Variants in SCRG1 observed in about 807,000 individuals in gnomAD.
SCRG1 encodes stimulator of chondrogenesis 1, also known as scrapie-responsive protein 1.
Under a neutral mutation model 7.7 loss-of-function variants are expected in SCRG1, and 3 were observed. The ratio of observed to expected loss-of-function variants is 0.39; its 90% CI spans 0.18 to 1.01. SCRG1 has a LOEUF of 1.01. SCRG1 is among the 50% of genes least tolerant of loss of function. The probability of loss-of-function intolerance (pLI) is 0.36; values close to 1 mark genes in which losing one functional copy is unlikely to be tolerated. For synonymous variants in SCRG1, 46 were observed against 41.2 expected, an observed-to-expected ratio of 1.12 and a Z score of -0.44; for missense variants, 110 against 117.2, an observed-to-expected ratio of 0.94 and a Z score of 0.28.
the SCRG1 span, among the ~76,000 whole-genome samples, chr4:173,416,064 GTC>G: frequency 6.6e-6 from 1 of 152,220 alleles, no homozygotes; most frequent in South Asian, 2.1e-4. Flanking sequence ...GGGCCGTGCA[GTC>G]TCCTCTCCCG....
Position 173,391,578 on chromosome 4 carries a change from G to GT in SCRG1, c.-14-151dup, listed in dbSNP as rs571925954. 154 of 773,576 alleles carry GT rather than the reference G, an allele frequency of 2.0e-4. 2 individuals are homozygous for GT. In the African/African-American group the frequency reaches 2.1e-3, roughly 10 times the overall value. 47.9% of individuals were successfully genotyped at this position (773,576 alleles called of 1,614,324 possible). A position where few individuals can be genotyped will look rare whatever the true frequency, so the allele number is the denominator to read the frequency against. ...CAATCCTGTTTGTGTTTCTCAAAGT[G>GT]TAGTTTTATGACCATCTATGATAAA... On this transcript the variant is annotated intron_variant, in intron 1 of 2. Transcript: ENST00000296506.
At position 173,391,185 on chromosome 4, in the gene SCRG1, A is replaced by G. The variant is rs1157697626; in HGVS notation, c.230T>C (p.Leu77Pro). 1.9e-6 allele frequency: 3 copies of G among 1,614,010 alleles called. No homozygotes were observed. Among genetic ancestry groups the G allele is most frequent in the Non-Finnish European group, 2.5e-6 (3 of 1,180,032 alleles). ...ACCATTTCCTTACTTTGGGCAGCAG[A>G]GCAATTCGCTGAAGTTGCAGTAACA... ...MICYCNFSEL[L>P]CCPKDVFFGP... The change falls in exon 2 of 3, where the codon CTC becomes CCC. Residue 77 changes from leucine (L) to proline (P), a missense_variant. Physicochemically the swap from Leu to Pro is moderately conservative, Grantham distance 98. Coordinates refer to ENST00000296506, the MANE Select transcript of SCRG1 (RefSeq NM_007281.4).
At chr4:173,438,326 T>C in the SCRG1 span, among the ~76,000 whole-genome samples, 1 of 151,914 alleles carries the variant, frequency 6.6e-6, no homozygotes, top group African/African-American at 2.4e-5. Flanking sequence ...TTTCTCCATG[T>C]TGCTCAGGCT....
At chr4:173,456,848 C>T in the SCRG1 span, among the ~76,000 whole-genome samples, 31 of 152,136 alleles carry the variant, frequency 2.0e-4, no homozygotes, top group Non-Finnish European at 1.3e-4. Flanking sequence ...AAGATAACTT[C>T]CCTTCTTTCT....
chr4:173,462,594 G>A, the SCRG1 span, among the ~76,000 whole-genome samples: 5 of 152,214 alleles, frequency 3.3e-5, no homozygotes, highest in African/African-American at 9.6e-5. Context: ...GGATATTAAT[G>A]AGCCATAAAT....
At chr4:173,423,043 C>G in the SCRG1 span, among the ~76,000 whole-genome samples, 1 of 152,112 alleles carries the variant, frequency 6.6e-6, no homozygotes, top group African/African-American at 2.4e-5. Context: ...TTCGGTGATT[C>G]ACGATTCACC....
the SCRG1 span, among the ~76,000 whole-genome samples, chr4:173,488,138 A>AATAAAT: frequency 7.6e-6 from 1 of 131,630 alleles, no homozygotes; most frequent in Non-Finnish European, 1.6e-5. Context: ...AATAAATTTA[A>AATAAAT]AAAATGGTCT....
chr4:173,465,362 CA>C, the SCRG1 span, among the ~76,000 whole-genome samples: 1 of 151,628 alleles, frequency 6.6e-6, no homozygotes, highest in African/African-American at 2.4e-5. Context: ...TCATAATGGC[CA>C]AAAAAATGGA....
At chr4:173,441,429 C>T in the SCRG1 span, among the ~76,000 whole-genome samples, 1 of 152,144 alleles carries the variant, frequency 6.6e-6, no homozygotes, top group Non-Finnish European at 1.5e-5. Context: ...ATTAACACTT[C>T]CTGGTGCCAA....
At chr4:173,453,968 C>T in the SCRG1 span, among the ~76,000 whole-genome samples, 1 of 151,942 alleles carries the variant, frequency 6.6e-6, no homozygotes, top group Non-Finnish European at 1.5e-5. Context: ...GTCCCAGCTA[C>T]TCGGGAGGCT....
chr4:173,406,976 G>C (rs1208773856), upstream of SCRG1, among the ~76,000 whole-genome samples: 1 of 152,196 alleles, frequency 6.6e-6, no homozygotes, highest in Non-Finnish European at 1.5e-5. Flanking sequence ...GGGGGGCCGA[G>C]ATGGGTGGAT....
the SCRG1 span, among the ~76,000 whole-genome samples, chr4:173,472,565 C>T: frequency 6.6e-6 from 1 of 152,136 alleles, no homozygotes; most frequent in Non-Finnish European, 1.5e-5. Context: ...GATACAGTTC[C>T]AGTCTAAAAG....
the SCRG1 span, among the ~76,000 whole-genome samples, chr4:173,509,431 G>A: frequency 6.6e-6 from 1 of 152,320 alleles, no homozygotes; most frequent in Non-Finnish European, 1.5e-5. This position sits in a 1 kb window ranked among gnomAD's most constrained non-coding sequence, Gnocchi z 5.7. Flanking sequence ...GAATGCGCGG[G>A]GTCGAGACGG....
upstream of SCRG1, among the ~76,000 whole-genome samples, chr4:173,410,744 G>T (rs967465482): frequency 2.0e-5 from 3 of 152,174 alleles, no homozygotes; most frequent in African/African-American, 7.2e-5. Flanking sequence ...GAGCTGAAGG[G>T]TTTGCTAAAT....
At chr4:173,483,425 ATATAG>A in the SCRG1 span, among the ~76,000 whole-genome samples, 184 of 25,132 alleles carry the variant, frequency 7.3e-3, 6 homozygotes, top group African/African-American at 0.018. Context: ...TTATATCATG[ATATAG>A]TATATATTAT....
chr4:173,490,371 T>C, the SCRG1 span, among the ~76,000 whole-genome samples: 1 of 152,190 alleles, frequency 6.6e-6, no homozygotes, highest in African/African-American at 2.4e-5. Flanking sequence ...TCTCACACAT[T>C]TTTGGTTCAG....
the SCRG1 span, among the ~76,000 whole-genome samples, chr4:173,466,043 C>T: frequency 3.3e-5 from 5 of 152,106 alleles, no homozygotes; most frequent in African/African-American, 9.7e-5. Context: ...AACCAAATCC[C>T]CTTCCCCTTG....
the SCRG1 span, among the ~76,000 whole-genome samples, chr4:173,517,746 G>A: frequency 0.059 from 9,059 of 152,328 alleles, 333 homozygotes; most frequent in Middle Eastern, 0.14. Flanking sequence ...ACCGGAGATT[G>A]GACTGGAGGT....
chr4:173,420,538 G>A, the SCRG1 span, among the ~76,000 whole-genome samples: 3 of 152,106 alleles, frequency 2.0e-5, no homozygotes, highest in Admixed American at 2.0e-4. Context: ...CAACTATTGT[G>A]TCTGTTTATA....
Sources: allele counts gnomAD v4.1 joint callset (sites outside exome capture counted in the v4.1 genomes callset), GRCh38; gene constraint gnomAD v4.1.1; non-coding constraint Gnocchi (gnomAD v3.1); transcripts MANE v1.5; gene names NCBI Gene and HGNC (gene_info 2026-07-23, HGNC 2026-07-21).